The following MAP2 variants were observed in gnomAD, a reference collection of about 807,000 sequenced individuals.
MAP2 encodes microtubule-associated protein 2.
In MAP2, 14 loss-of-function variants were observed where a neutral mutation model predicts 137.6. That is an observed-to-expected ratio of 0.10 (90% CI 0.07 to 0.16). The LOEUF (loss-of-function observed/expected upper bound fraction) is 0.16. Among genes scored for constraint, MAP2 ranks in the 10% least tolerant of loss-of-function variants. The pLI, the probability that MAP2 is intolerant of heterozygous loss-of-function variation, is 1.00. For missense variants in MAP2, 2,088 were observed against 2,191.5 expected, an observed-to-expected ratio of 0.95 and a Z score of 0.94; for synonymous variants, 786 against 782.3, an observed-to-expected ratio of 1.00 and a Z score of -0.08.
intron 5 of MAP2, among the ~76,000 whole-genome samples, chr2:209,668,982 C>G (rs1356026697): frequency 2.6e-5 from 4 of 151,958 alleles, no homozygotes; most frequent in African/African-American, 9.7e-5. Context: ...TTGAAAATTA[C>G]AAAGAACTAC....
chr2:209,551,866 CTTACTAAAGTCCAGGTTAT>C (rs2069250216), intron 2 of MAP2, among the ~76,000 whole-genome samples: 1 of 152,110 alleles, frequency 6.6e-6, no homozygotes, highest in African/African-American at 2.4e-5. Flanking sequence ...GAAGTAGGGA[CTTACTAAAGTCCAGGTTAT>C]TTACCTTCCC....
intron 1 of MAP2, among the ~76,000 whole-genome samples, chr2:209,467,200 C>T (rs78914732): frequency 6.6e-6 from 1 of 152,182 alleles, no homozygotes; most frequent in Admixed American, 6.5e-5. Context: ...TTCCACCTCA[C>T]TTATTCAGGC....
intron 1 of MAP2, among the ~76,000 whole-genome samples, chr2:209,451,295 C>T (rs1700247401): frequency 6.6e-6 from 1 of 152,200 alleles, no homozygotes; most frequent in South Asian, 2.1e-4. Context: ...GGCGTCTGCC[C>T]ATCAGGCTGC....
Position 209,731,179 on chromosome 2 carries a change from A to G in MAP2, c.*782A>G, listed in dbSNP as rs2075727302. ...GATACAGTATTATAGATATAAATAT[A>G]TATATATTTCTCTGTGGCCATTTGT... On this transcript the variant is annotated 3_prime_UTR_variant, in exon 16 of 16. Transcript: ENST00000682079. 1 of 151,864 alleles carries G rather than the reference A, an allele frequency of 6.6e-6. No individual in the cohort carries two copies. Among genetic ancestry groups the G allele is most frequent in the African/African-American group, 2.4e-5 (1 of 41,308 alleles). 9.4% of individuals were successfully genotyped at this position (151,864 alleles called of 1,614,324 possible). A position where few individuals can be genotyped will look rare whatever the true frequency, so the allele number is the denominator to read the frequency against.
intron 2 of MAP2, among the ~76,000 whole-genome samples, chr2:209,522,780 C>T (rs984486585): frequency 3.3e-5 from 5 of 152,086 alleles, no homozygotes; most frequent in Non-Finnish European, 5.9e-5. Context: ...TCAGTTGATG[C>T]TGCTCCCTCA....
At chr2:209,721,031 A>G (rs1238092232) in intron 13 of MAP2, among the ~76,000 whole-genome samples, 3 of 151,828 alleles carry the variant, frequency 2.0e-5, no homozygotes, top group Non-Finnish European at 4.4e-5. Flanking sequence ...GCTTCTGAGG[A>G]CTGCTGTTAT....
At chr2:209,610,438 T>G (rs145827612) in intron 3 of MAP2, among the ~76,000 whole-genome samples, 2,205 of 152,208 alleles carry the variant, frequency 0.014, 23 homozygotes, top group African/African-American at 0.021. Flanking sequence ...AAATGTGTAT[T>G]GTTTTTACTT....
At chr2:209,553,512 A>G (rs71420764) in intron 2 of MAP2, among the ~76,000 whole-genome samples, 1 of 152,144 alleles carries the variant, frequency 6.6e-6, no homozygotes, top group African/African-American at 2.4e-5. Flanking sequence ...TGCTTGGTAA[A>G]CAATACATTG....
At chr2:209,476,998 G>A (rs1707412595) in intron 1 of MAP2, among the ~76,000 whole-genome samples, 1 of 152,156 alleles carries the variant, frequency 6.6e-6, no homozygotes, top group South Asian at 2.1e-4. Flanking sequence ...ACAAGGCCAA[G>A]TTTTGTTGGC....
intron 2 of MAP2, among the ~76,000 whole-genome samples, chr2:209,520,434 AGAGG>A (rs201548472): frequency 0.012 from 1,756 of 152,196 alleles, 35 homozygotes; most frequent in African/African-American, 0.04. Context: ...AGAATTCTAA[AGAGG>A]GAATAGGGAA....
intron 2 of MAP2, among the ~76,000 whole-genome samples, chr2:209,536,334 T>C (rs185460989): frequency 2.2e-4 from 34 of 152,350 alleles, no homozygotes; most frequent in Non-Finnish European, 4.9e-4. Flanking sequence ...TACAGATTTA[T>C]CTCTATGCTT....
chr2:209,435,031 G>T (rs1433518754), intron 1 of MAP2, among the ~76,000 whole-genome samples: 2 of 147,150 alleles, frequency 1.4e-5, no homozygotes, highest in Admixed American at 6.9e-5. Flanking sequence ...CCAAAATATG[G>T]GCTTTTTAAT....
rs751819119 is a variant in MAP2, at chr2:209,730,210, A to G, written c.5297A>G (p.Glu1766Gly). The stretch of plus-strand genomic sequence containing the variant: ...GACAGCCAAAAGTTGAACTTCAGAG[A>G]GCATGCTAAAGCCCGTGTGGACCAT... ...KIDSQKLNFR[E>G]HAKARVDHGA... The change falls in exon 16 of 16, where the codon GAG becomes GGG. Residue 1766 changes from glutamate (E) to glycine (G), a missense_variant. By Grantham distance (98) the Glu-to-Gly change is moderately conservative (BLOSUM62 -2). Transcript: ENST00000682079. The G allele has an allele frequency of 5.6e-6, 9 of 1,614,074 alleles. No individual in the cohort carries two copies. The highest frequency in any genetic ancestry group is 7.6e-6 in the Non-Finnish European group (9 of 1,180,000).
intron 3 of MAP2, among the ~76,000 whole-genome samples, chr2:209,620,574 A>G (rs2090835792): frequency 6.6e-6 from 1 of 152,190 alleles, no homozygotes; most frequent in Non-Finnish European, 1.5e-5. Context: ...CTACTCACAA[A>G]TATGTAGATA....
intron 1 of MAP2, among the ~76,000 whole-genome samples, chr2:209,507,381 TA>T (rs1206469996): frequency 4.6e-5 from 7 of 152,182 alleles, no homozygotes; most frequent in Non-Finnish European, 8.8e-5. Context: ...ATTTAATATA[TA>T]TTTTTTTCAA....
At chr2:209,584,548 T>C (rs1395500251) in intron 3 of MAP2, among the ~76,000 whole-genome samples, 1 of 152,168 alleles carries the variant, frequency 6.6e-6, no homozygotes, top group Non-Finnish European at 1.5e-5. Context: ...GTTTGTTTCT[T>C]ATTCAGTGGG....
chr2:209,451,959 A>G (rs1700424029), intron 1 of MAP2, among the ~76,000 whole-genome samples: 1 of 152,128 alleles, frequency 6.6e-6, no homozygotes, highest in South Asian at 2.1e-4. Context: ...AATTTTAGAG[A>G]GGCATACCTC....
At position 209,694,788 on chromosome 2, in the gene MAP2, A is replaced by G. The variant is rs528807150; in HGVS notation, c.2618A>G (p.Asn873Ser). Residue 873 changes from asparagine (N) to serine (S), a missense_variant, in exon 8 of 16, where the codon AAT becomes AGT. Asn to Ser is a conservative substitution (Grantham distance 46). Around this residue, in one of 6 missense-constraint regions of MAP2, gnomAD observed 500 missense variants for 482.9 expected, o/e 1.04. Transcript: ENST00000682079. ...QLEDLGYCVF[N>S]KYTVPLPSPV... Reference sequence around the variant, plus strand: ...GAAGACCTGGGCTACTGTGTGTTCAATAAGTACACAGTCCCATTGCCATCA... The same window carrying G: ...GAAGACCTGGGCTACTGTGTGTTCAGTAAGTACACAGTCCCATTGCCATCA... The G allele has an allele frequency of 3.8e-5, 61 of 1,614,176 alleles. No individual in the cohort carries two copies. The highest frequency in any genetic ancestry group is 2.2e-4 in the Admixed American group (13 of 60,012).
chr2:209,595,959 G>A (rs1324441063), intron 3 of MAP2, among the ~76,000 whole-genome samples: 1 of 152,150 alleles, frequency 6.6e-6, no homozygotes, highest in African/African-American at 2.4e-5. Flanking sequence ...CTGTCATGGG[G>A]TAGGAGGCAG....
Sources: gnomAD v4.1 joint callset for allele counts (sites outside exome capture counted in the v4.1 genomes callset) on GRCh38, gnomAD v4.1.1 for gene constraint, gnomAD v4.1.1 regional missense constraint, MANE v1.5 for transcripts, NCBI Gene and HGNC (gene_info 2026-07-23, HGNC 2026-07-21) for gene names.